The following NUP88 variants were observed in gnomAD, a reference collection of about 807,000 sequenced individuals.
The protein encoded by NUP88 is nuclear pore complex protein Nup88.
A neutral mutation model predicts 93.9 loss-of-function variants in NUP88; 57 were observed. The observed-to-expected ratio is 0.61, with a 90% confidence interval of 0.49 to 0.76. The LOEUF (loss-of-function observed/expected upper bound fraction) is 0.76. Ranked by LOEUF, NUP88 falls within the 30% of genes least tolerant of loss-of-function variation. The probability of loss-of-function intolerance (pLI) is 0.00; values close to 1 mark genes in which losing one functional copy is unlikely to be tolerated. For synonymous variants in NUP88, 346 were observed against 336.8 expected (o/e 1.03, Z -0.30); for missense variants, 911 against 901.0 (o/e 1.01, Z -0.14).
At position 5,414,040 on chromosome 17, in the gene NUP88, C is replaced by T. The variant is rs147120363; in HGVS notation, c.562G>A (p.Val188Ile). The stretch of plus-strand genomic sequence containing the variant: ...ACGTTGTCTGATGTTAACAGCACTA[C>T]GTGGGGATCCAGGATTTCACTTGGA... Reference protein sequence around the residue: ...WYPSEILDPHVVLLTSDNVIR... With the variant: ...WYPSEILDPHIVLLTSDNVIR... Residue 188 changes from valine to isoleucine, a missense_variant, in exon 3 of 17, where the codon GTA becomes ATA. Coordinates refer to ENST00000573584, the MANE Select transcript of NUP88 (RefSeq NM_002532.6). 138 of 1,613,708 alleles carry T rather than the reference C, an allele frequency of 8.6e-5. No individual in the cohort carries two copies. Among genetic ancestry groups the T allele is most frequent in the Non-Finnish European group, 1.1e-4 (132 of 1,179,836 alleles).
rs778799914 is a variant in NUP88 at position 5,414,141 on chromosome 17, T to C, written c.468-7A>G. 5.0e-6 allele frequency: 8 copies of C among 1,609,848 alleles called. No individual in the cohort carries two copies. The highest frequency in any genetic ancestry group is 6.8e-6 in the Non-Finnish European group (8 of 1,177,944). Reference sequence around the variant, plus strand: ...CTCCGCAACTGGAGTGGTACTAAAATAAAGATAATAATTTTCCAAAACATT... The same window carrying C: ...CTCCGCAACTGGAGTGGTACTAAAACAAAGATAATAATTTTCCAAAACATT... On this transcript the variant is annotated splice_region_variant and splice_polypyrimidine_tract_variant and intron_variant, in intron 2 of 16. Transcript: ENST00000573584.
At chr17:5,404,735 T>G (rs377168184) in intron 6 of NUP88, among the ~76,000 whole-genome samples, 1 of 152,278 alleles carries the variant, frequency 6.6e-6, no homozygotes, top group East Asian at 1.9e-4. Context: ...AGACAAAACG[T>G]CTCTCTTCCT....
chr17:5,388,998 G>A, intron 10 of NUP88, 38 bp from the exon 11 acceptor site: 1 of 1,478,202 alleles, frequency 6.8e-7, no homozygotes, highest in Non-Finnish European at 9.2e-7. Context: ...CTACCATGGA[G>A]TGATTTACTG....
chr17:5,386,856 C>T (rs1912025059), intron 15 of NUP88, 30 bp from the exon 16 acceptor site: 2 of 1,585,346 alleles, frequency 1.3e-6, no homozygotes, highest in Non-Finnish European at 1.7e-6. Flanking sequence ...GATATTTTGG[C>T]AGTGGTTTGC....
chr17:5,395,448 T>C (rs867721299), intron 8 of NUP88, among the ~76,000 whole-genome samples: 1 of 152,196 alleles, frequency 6.6e-6, no homozygotes, highest in Non-Finnish European at 1.5e-5. Context: ...TCAAAAACTT[T>C]TGTAGCTCAC....
chr17:5,403,925 T>G (rs1170146880), intron 7 of NUP88, among the ~76,000 whole-genome samples, 174 bp downstream of exon 7: 1 of 152,224 alleles, frequency 6.6e-6, no homozygotes, highest in East Asian at 1.9e-4. Flanking sequence ...TTGGGAAATT[T>G]GCTCAGTCTG....
intron 8 of NUP88, among the ~76,000 whole-genome samples, chr17:5,398,529 G>A (rs1912929833): frequency 6.6e-6 from 1 of 151,598 alleles, no homozygotes; most frequent in Non-Finnish European, 1.5e-5. Flanking sequence ...GACCTCGGGT[G>A]ATCCACAAGC....
At chr17:5,418,017 G>A (rs1200159018) in intron 1 of NUP88, 3 of 151,096 alleles carry the variant, frequency 2.0e-5, no homozygotes, top group African/African-American at 7.3e-5. Flanking sequence ...GCAGATACCT[G>A]TAATCCCAGC....
Position 5,399,252 on chromosome 17 carries a change from G to GTT in NUP88, c.1291+298_1291+299dup, listed in dbSNP as rs34056158. ...GACCCTGATTGAGTCAGTTTTGGTA[G>GTT]TTTTTTTTTTTCTTGGAATTTGTCC... On this transcript the variant is annotated intron_variant, in intron 8 of 16. Coordinates refer to ENST00000573584, the MANE Select transcript of NUP88 (RefSeq NM_002532.6). Among the ~76,000 whole-genome samples the GTT allele has an allele frequency of 1.6e-3, 212 of 136,548 alleles. 1 individual carries two copies. The highest frequency in any genetic ancestry group is 3.9e-3 in the African/African-American group (139 of 35,986). 89.6% of individuals were successfully genotyped at this position (136,548 alleles called of 152,430 possible). A position where few individuals can be genotyped will look rare whatever the true frequency, so the allele number is the denominator to read the frequency against.
At chr17:5,414,212 G>T in intron 2 of NUP88, 78 bp from the exon 3 acceptor site, 2 of 1,343,156 alleles carry the variant, frequency 1.5e-6, no homozygotes, top group Non-Finnish European at 2.1e-6. Context: ...TCTTTTTTTT[G>T]CAGATGGAGT....
At chr17:5,393,132 A>G (rs956605625) in intron 9 of NUP88, among the ~76,000 whole-genome samples, 2 of 149,704 alleles carry the variant, frequency 1.3e-5, no homozygotes, top group Non-Finnish European at 3.0e-5. Context: ...TTTTTTTTGT[A>G]TTTTAGTAGA....
chr17:5,415,526 GA>G (rs780874879), intron 2 of NUP88, among the ~76,000 whole-genome samples: 8 of 152,146 alleles, frequency 5.3e-5, no homozygotes, highest in Middle Eastern at 3.2e-3. Context: ...AGTTTAAGGG[GA>G]CTCAACTTAT....
chr17:5,408,938 TAAAAAC>T (rs758787467), intron 4 of NUP88, 29 bp from the exon 5 acceptor site: 4 of 1,501,528 alleles, frequency 2.7e-6, no homozygotes, highest in Admixed American at 4.9e-5. Flanking sequence ...ACCAACTTGT[TAAAAAC>T]AAAAACAACA....
chr17:5,417,538 G>T (rs368843740), intron 1 of NUP88, among the ~76,000 whole-genome samples: 23 of 152,162 alleles, frequency 1.5e-4, no homozygotes, highest in African/African-American at 5.3e-4. Flanking sequence ...GGAGCTTACA[G>T]TCTAGAAAAG....
At position 5,408,906 on chromosome 17, in the gene NUP88, C is replaced by A. The variant is rs763140759; in HGVS notation, c.684G>T (p.Arg228Ser). The A allele has an allele frequency of 7.7e-6, 12 of 1,562,696 alleles. No homozygotes were observed. Among genetic ancestry groups the A allele is most frequent in the Non-Finnish European group, 9.5e-6 (11 of 1,159,688 alleles). The part of the protein sequence containing the change: ...EEESLVLNKG[R>S]AYTASLGETA... ...TCTCTCCTAGAGATGCGGTATACGC[C>A]CTTCTGGAAAGAGATGTAAAAACCA... Residue 228 changes from arginine (R) to serine (S), a missense_variant, in exon 5 of 17, where the codon AGG becomes AGT. Coordinates refer to ENST00000573584, the MANE Select transcript of NUP88 (RefSeq NM_002532.6).
Position 5,385,619 on chromosome 17 carries a change from G to T in NUP88, c.*587C>A. 4.3e-6 allele frequency: 1 copy of T among 230,972 alleles called. No individual in the cohort carries two copies. 14.3% of individuals were successfully genotyped at this position (230,972 alleles called of 1,614,324 possible). A position where few individuals can be genotyped will look rare whatever the true frequency, so the allele number is the denominator to read the frequency against. ...CATGTCCACTCAGTAACAAGTATTG[G>T]GACGTAGAGCACAGCCTCACTCAGC... On this transcript the variant is annotated 3_prime_UTR_variant, in exon 17 of 17. Coordinates refer to ENST00000573584, the MANE Select transcript of NUP88 (RefSeq NM_002532.6).
rs201141146 is a variant in NUP88, at chr17:5,387,453, C to T, written c.1849G>A (p.Glu617Lys). The change falls in exon 14 of 17, where the codon GAA becomes AAA. Residue 617 changes from glutamate to lysine, a missense_variant. By Grantham distance (56) the Glu-to-Lys change is moderately conservative. Coordinates refer to ENST00000573584, the MANE Select transcript of NUP88 (RefSeq NM_002532.6). ...TTGTCAGCTAAACGCTCAGCCATTT[C>T]CCGCAGACTTTTCCTAATGATGTAA... is the stretch of plus-strand genomic sequence containing the variant. ...YCREERKSLR[E>K]MAERLADKYE... is the part of the protein sequence containing the mutation. The T allele has an allele frequency of 4.3e-6, 7 of 1,614,146 alleles. No individual in the cohort carries two copies. The Admixed American group carries it at 6.7e-5, about 15-fold the overall frequency.
intron 10 of NUP88, among the ~76,000 whole-genome samples, chr17:5,389,291 T>C (rs929058143): frequency 5.3e-5 from 8 of 152,204 alleles, no homozygotes; most frequent in Non-Finnish European, 1.0e-4. Context: ...AAATTACTTA[T>C]TTGTTAGGTT....
At position 5,387,905 on chromosome 17, in the gene NUP88, C is replaced by T; in HGVS notation, c.1644-1G>A. Reference sequence around the variant, plus strand: ...AGGGGCTATGTCCTTTTCAGAAGCTCTTAAAAACAAAGTTTCTACCTTTAT... The same window carrying T: ...AGGGGCTATGTCCTTTTCAGAAGCTTTTAAAAACAAAGTTTCTACCTTTAT... On this transcript the variant is annotated splice_acceptor_variant, in intron 11 of 16. Transcript: ENST00000573584. LOFTEE classifies it high-confidence loss of function. 6.2e-7 allele frequency: 1 copy of T among 1,611,828 alleles called. No homozygotes were observed. The highest frequency in any genetic ancestry group is 8.5e-7 in the Non-Finnish European group (1 of 1,179,160).
Sources: gnomAD v4.1 joint callset for allele counts (sites outside exome capture counted in the v4.1 genomes callset) on GRCh38, gnomAD v4.1.1 for gene constraint, MANE v1.5 for transcripts, NCBI Gene and HGNC (gene_info 2026-07-23, HGNC 2026-07-21) for gene names.